ARSG: variants seen among roughly 807,000 people sequenced by gnomAD.
ARSG encodes arylsulfatase G, also known as ASG.
Under a neutral mutation model 50.5 loss-of-function variants are expected in ARSG, and 37 were observed. The observed-to-expected ratio is 0.73, with a 90% CI of 0.56 to 0.96. ARSG has a LOEUF of 0.96. Among genes scored for constraint, ARSG ranks in the 50% least tolerant of loss-of-function variants. The pLI is 0.00. For missense variants in ARSG, 629 were observed against 675.3 expected (o/e 0.93, Z 0.76); for synonymous variants, 225 against 254.6 (o/e 0.88, Z 1.11).
intron 8 of ARSG, chr17:68,379,731 A>G (rs1004139022): frequency 8.1e-6 from 6 of 737,112 alleles, no homozygotes; most frequent in East Asian, 1.3e-4. Context: ...TAGGAATTCA[A>G]TATGCTGGAG....
chr17:68,343,646 C>T lies in ARSG; in HGVS notation c.261C>T (p.Ser87=). The change falls in exon 3 of 12, where the codon TCC becomes TCT. Residue 87 remains serine (S), a synonymous_variant. Coordinates refer to ENST00000621439, the MANE Select transcript of ARSG (RefSeq NM_001267727.2). ...FHAAASTCSP[S]RASLLTGRLG... is the part of the protein sequence containing the mutation. ...CAGCTGCCTCCACCTGCTCACCCTC[C>T]CGGGCTTCCTTGCTCACCGGCCGGC... is the stretch of plus-strand genomic sequence containing the variant. 1.2e-6 allele frequency: 2 copies of T among 1,613,864 alleles called. No homozygotes were observed. The highest frequency in any genetic ancestry group is 1.7e-6 in the Non-Finnish European group (2 of 1,179,814).
the ARSG span, among the ~76,000 whole-genome samples, chr17:68,438,748 G>A: frequency 2.0e-5 from 3 of 152,154 alleles, no homozygotes; most frequent in African/African-American, 7.2e-5. Flanking sequence ...TTACAGGCGT[G>A]TGCCACCACG....
intron 2 of ARSG, among the ~76,000 whole-genome samples, chr17:68,324,428 C>T (rs185695167): frequency 9.5e-4 from 144 of 152,296 alleles, no homozygotes; most frequent in Middle Eastern, 3.4e-3. Flanking sequence ...TCCTGTAACA[C>T]GATGACCTAG....
intron 11 of ARSG, among the ~76,000 whole-genome samples, chr17:68,419,676 T>A (rs974906892): frequency 7.2e-5 from 11 of 152,296 alleles, no homozygotes; most frequent in African/African-American, 2.6e-4. Flanking sequence ...CAAATCATTT[T>A]AGTGTGGCTG....
At chr17:68,313,236 G>A (rs1012588204) in intron 2 of ARSG, among the ~76,000 whole-genome samples, 2 of 152,066 alleles carry the variant, frequency 1.3e-5, no homozygotes, top group Non-Finnish European at 2.9e-5. Flanking sequence ...ACTCCAGCCT[G>A]GGTGACAGAG....
intron 9 of ARSG, among the ~76,000 whole-genome samples, chr17:68,390,258 C>T (rs2080931146): frequency 6.6e-6 from 1 of 152,068 alleles, no homozygotes; most frequent in African/African-American, 2.4e-5. Flanking sequence ...TTTCTGCATC[C>T]TCCTCGCCAC....
intron 10 of ARSG, chr17:68,400,559 T>TA (rs2081427016): frequency 6.7e-6 from 1 of 149,550 alleles, no homozygotes; most frequent in Non-Finnish European, 1.5e-5. Context: ...GAAATACTTG[T>TA]AAAACAAGTA....
At chr17:68,417,805 T>C (rs2082486479) in intron 11 of ARSG, among the ~76,000 whole-genome samples, 1 of 127,022 alleles carries the variant, frequency 7.9e-6, no homozygotes, top group Admixed American at 1.1e-4. Context: ...TGGAGTGCAG[T>C]GGCACGATCT....
intron 2 of ARSG, among the ~76,000 whole-genome samples, chr17:68,325,422 A>G (rs1258361379): frequency 6.6e-6 from 1 of 152,158 alleles, no homozygotes; most frequent in Non-Finnish European, 1.5e-5. Flanking sequence ...ATATATTACA[A>G]TATAATAATA....
intron 6 of ARSG, among the ~76,000 whole-genome samples, chr17:68,363,742 C>T (rs543266523): frequency 1.3e-5 from 2 of 152,218 alleles, no homozygotes; most frequent in South Asian, 4.1e-4. Flanking sequence ...GCTGGGATTA[C>T]AGGCGTGAGC....
downstream of ARSG, among the ~76,000 whole-genome samples, chr17:68,424,750 A>G (rs77235869): frequency 0.04 from 6,148 of 152,252 alleles, 246 homozygotes; most frequent in South Asian, 0.19. Flanking sequence ...GGTGGCGCAC[A>G]TCTGTAATTG....
At chr17:68,322,403 C>T (rs9674806) in intron 2 of ARSG, among the ~76,000 whole-genome samples, 8,723 of 152,130 alleles carry the variant, frequency 0.057, 284 homozygotes, top group Middle Eastern at 0.088. Flanking sequence ...CTGAGGCAGG[C>T]GGATCACAAG....
intron 11 of ARSG, among the ~76,000 whole-genome samples, chr17:68,415,795 G>A (rs578059076): frequency 1.3e-5 from 2 of 152,178 alleles, no homozygotes; most frequent in South Asian, 4.1e-4. Flanking sequence ...TTTAACTGCC[G>A]TTGCTTTAAA....
chr17:68,349,683 C>T (rs928023053), intron 4 of ARSG, among the ~76,000 whole-genome samples: 4 of 152,020 alleles, frequency 2.6e-5, no homozygotes, highest in African/African-American at 7.2e-5. Flanking sequence ...CAGCAGTTTG[C>T]AACCAGCCTG....
intron 2 of ARSG, among the ~76,000 whole-genome samples, chr17:68,330,706 A>G (rs764606437): frequency 6.6e-6 from 1 of 152,126 alleles, no homozygotes; most frequent in African/African-American, 2.4e-5. Flanking sequence ...CACATGCCAC[A>G]TGGGAGCGCT....
intron 6 of ARSG, among the ~76,000 whole-genome samples, chr17:68,358,363 G>A (rs2079128042): frequency 6.6e-6 from 1 of 151,860 alleles, no homozygotes; most frequent in South Asian, 2.1e-4. Context: ...GACTAGCCTG[G>A]ACAACCTGGT....
chr17:68,378,562 G>A lies in ARSG; in HGVS notation c.983-6502G>A, dbSNP rs974454781. ...GAGCAAAGCAGCCCTGCCTTCTCCC[G>A]AAGAAGAAGGGCACGAGTCAGACAC... On this transcript the variant is annotated intron_variant, in intron 8 of 11. Transcript: ENST00000621439. This position sits in a 1 kb window ranked among gnomAD's most constrained non-coding sequence, Gnocchi z 4.4. Among the ~76,000 whole-genome samples the A allele has an allele frequency of 2.0e-5, 3 of 152,064 alleles. No homozygotes were observed. The highest frequency in any genetic ancestry group is 4.8e-5 in the African/African-American group (2 of 41,406).
chr17:68,419,901 G>GC (rs1272227583), intron 11 of ARSG, among the ~76,000 whole-genome samples: 4 of 152,062 alleles, frequency 2.6e-5, no homozygotes, highest in Admixed American at 2.6e-4. Flanking sequence ...TGAAGCTGCA[G>GC]TGAGCTAGGA....
chr17:68,414,532 T>C (rs2082248774), intron 11 of ARSG, among the ~76,000 whole-genome samples: 1 of 152,192 alleles, frequency 6.6e-6, no homozygotes, highest in Non-Finnish European at 1.5e-5. Context: ...ATTAGGGTGA[T>C]TCTGGCTTCA....
Sources: gnomAD v4.1 joint callset for allele counts (sites outside exome capture counted in the v4.1 genomes callset) on GRCh38, gnomAD v4.1.1 for gene constraint, Gnocchi (gnomAD v3.1) non-coding constraint, MANE v1.5 for transcripts, NCBI Gene and HGNC (gene_info 2026-07-23, HGNC 2026-07-21) for gene names.